Variants in FAM83H observed in about 807,000 individuals in gnomAD.
FAM83H encodes the protein scaffolding CK1 anchoring protein H, also known as protein FAM83H.
In FAM83H, 24 loss-of-function variants were observed where a neutral mutation model predicts 30.2. The observed-to-expected ratio is 0.79, with a 90% CI of 0.57 to 1.12. The LOEUF (loss-of-function observed/expected upper bound fraction) is 1.12. Ranked by LOEUF, FAM83H falls within the 50% of genes most tolerant of loss-of-function variation. FAM83H has a pLI of 0.00. For synonymous variants in FAM83H, 1,013 were observed against 821.7 expected (o/e 1.23, Z -3.98); for missense variants, 2,038 against 1,773.9 (o/e 1.15, Z -2.67).
At chr8:143,730,896 C>A (rs375507670) in intron 1 of FAM83H, among the ~76,000 whole-genome samples, 102 of 152,264 alleles carry the variant, frequency 6.7e-4, no homozygotes, top group Middle Eastern at 3.4e-3. Context: ...GAGTTTGAAA[C>A]CAGCCTGGGC....
In FAM83H at chr8:143,726,572, G is replaced by A. The variant is rs200670420; in HGVS notation, c.2889C>T (p.Arg963=). 28 of 1,603,350 alleles carry A rather than the reference G, an allele frequency of 1.7e-5. No homozygotes were observed. The highest frequency in any genetic ancestry group is 2.2e-5 in the Non-Finnish European group (26 of 1,178,824). ...GCTGCCTAAGACGCAAGGAGCCTTT[G>A]CGCAGGACTTCCATGGGGCCGCTCG... ...EGPSGPMEVL[R]KGSLRLRQLL... Residue 963 remains arginine (R), a synonymous_variant, in exon 5 of 5, where the codon CGC becomes CGT. Coordinates refer to ENST00000388913, the MANE Select transcript of FAM83H (RefSeq NM_198488.5).
rs1554622783 is a variant in FAM83H at position 143,727,666 on chromosome 8, C to T, written c.1795G>A (p.Gly599Ser). The T allele has an allele frequency of 1.9e-6, 3 of 1,570,452 alleles. No homozygotes were observed. The highest frequency in any genetic ancestry group is 1.8e-5 in the Admixed American group (1 of 56,692). ...GCHGEDGGDD[G>S]LPAPMEAEAY... ...TCCGCTTCCATGGGCGCCGGTAGGCCGTCGTCGCCCCCATCCTCGCCGTGG... is the reference window on the plus strand; with the variant it reads ...TCCGCTTCCATGGGCGCCGGTAGGCTGTCGTCGCCCCCATCCTCGCCGTGG... The change falls in exon 5 of 5, where the codon GGC (glycine) becomes AGC (serine). Residue 599 changes from glycine (G) to serine (S), a missense_variant. Physicochemically the swap from Gly to Ser is moderately conservative, Grantham distance 56. Transcript: ENST00000388913.
At position 143,727,932 on chromosome 8, in the gene FAM83H, T is replaced by A; in HGVS notation, c.1529A>T (p.Tyr510Phe). The A allele has an allele frequency of 6.5e-7, 1 of 1,538,842 alleles. No homozygotes were observed. Among genetic ancestry groups the A allele is most frequent in the Non-Finnish European group, 8.7e-7 (1 of 1,149,076 alleles). ...CTCGCGGGACGCGCTGGACGGCACG[T>A]AGTCCAGCCGCTGGTGCCCGTCGGG... ...LGPDGHQRLD[Y>F]VPSSASREVR... is the part of the protein sequence containing the mutation. The change falls in exon 5 of 5, where the codon TAC becomes TTC. Residue 510 changes from tyrosine to phenylalanine, a missense_variant. Physicochemically the swap from Tyr to Phe is conservative, Grantham distance 22. Transcript: ENST00000388913.
Position 143,727,151 on chromosome 8 carries a change from C to G in FAM83H, c.2310G>C (p.Arg770=), listed in dbSNP as rs1554622352. Residue 770 remains arginine, a synonymous_variant, in exon 5 of 5, where the codon CGG becomes CGC. Coordinates refer to ENST00000388913, the MANE Select transcript of FAM83H (RefSeq NM_198488.5). ...CGGCACCTGGGGCCGCCACCTCTTC[C>G]CGCCACGCCTGGGACACGACGGCCT... The part of the protein sequence containing the change: ...HSKAVVSQAW[R]EEVAAPGAVG... 3 of 1,534,582 alleles carry G rather than the reference C, an allele frequency of 2.0e-6. No homozygotes were observed. The highest frequency in any genetic ancestry group is 2.4e-5 in the East Asian group (1 of 40,882).
chr8:143,726,797 A>T lies in FAM83H; in HGVS notation c.2664T>A (p.Thr888=), dbSNP rs1554622072. The T allele has an allele frequency of 6.2e-7, 1 of 1,612,328 alleles. No individual in the cohort carries two copies. The highest frequency in any genetic ancestry group is 1.1e-5 in the South Asian group (1 of 91,046). The change falls in exon 5 of 5, where the codon ACT becomes ACA. Residue 888 remains threonine (T), a synonymous_variant. Coordinates refer to ENST00000388913, the MANE Select transcript of FAM83H (RefSeq NM_198488.5). ...RKGSPTPGFS[T]RRGSPTTGFI... ...ATCCTGTAGTTGGACTTCCTCTTCGAGTGGAAAACCCAGGCGTGGGGCTCC... is the reference window on the plus strand; with the variant it reads ...ATCCTGTAGTTGGACTTCCTCTTCGTGTGGAAAACCCAGGCGTGGGGCTCC...
In FAM83H at chr8:143,727,681, C is replaced by G; in HGVS notation, c.1780G>C (p.Asp594His). The part of the protein sequence containing the change: ...ASYLSGCHGE[D>H]GGDDGLPAPM... ...GCCGGTAGGCCGTCGTCGCCCCCAT[C>G]CTCGCCGTGGCAGCCGCTCAAGTAG... The change falls in exon 5 of 5, where the codon GAT becomes CAT. Residue 594 changes from aspartate to histidine, a missense_variant. Coordinates refer to ENST00000388913, the MANE Select transcript of FAM83H (RefSeq NM_198488.5). 1.3e-6 allele frequency: 2 copies of G among 1,565,924 alleles called. No homozygotes were observed. Among genetic ancestry groups the G allele is most frequent in the Non-Finnish European group, 1.7e-6 (2 of 1,163,752 alleles).
In FAM83H at chr8:143,727,163, G is replaced by T. The variant is rs1387045364; in HGVS notation, c.2298C>A (p.Ser766=). Residue 766 remains serine (S), a synonymous_variant, in exon 5 of 5, where the codon TCC becomes TCA. Transcript: ENST00000388913. ...CCGCCACCTCTTCCCGCCACGCCTG[G>T]GACACGACGGCCTTGCTGTGGCTGG... The part of the protein sequence containing the change: ...TVASHSKAVV[S]QAWREEVAAP... The T allele has an allele frequency of 1.4e-5, 21 of 1,534,286 alleles. No homozygotes were observed. The highest frequency in any genetic ancestry group is 1.8e-5 in the Non-Finnish European group (21 of 1,146,082).
Position 143,727,588 on chromosome 8 carries a change from G to A in FAM83H, c.1873C>T (p.Leu625=), listed in dbSNP as rs1818348889. ...GGGACGCGGAAGGCCGAGGGGAGCA[G>A]GTCGCCGGCAGGTGCCCGGCCCCCG... is the stretch of plus-strand genomic sequence containing the variant. ...APGGRAPAGD[L]LPSAFRVPAA... The change falls in exon 5 of 5, where the codon CTG becomes TTG. Residue 625 remains leucine, a synonymous_variant. Coordinates refer to ENST00000388913, the MANE Select transcript of FAM83H (RefSeq NM_198488.5). The A allele has an allele frequency of 1.3e-6, 2 of 1,585,108 alleles. No homozygotes were observed. The highest frequency in any genetic ancestry group is 1.7e-6 in the Non-Finnish European group (2 of 1,172,540).
Position 143,729,079 on chromosome 8 carries a change from G to C in FAM83H, c.625C>G (p.Arg209Gly), listed in dbSNP as rs781981984. ...TAGTAGGTGGGGCCCGCCACAGTCC[G>C]TACGCGCAGGAACTGGGGAGGGAGG... ...NLQHVDFLRV[R>G]TVAGPTYYCR... Residue 209 changes from arginine to glycine, a missense_variant, in exon 4 of 5, where the codon CGG (arginine) becomes GGG (glycine). Coordinates refer to ENST00000388913, the MANE Select transcript of FAM83H (RefSeq NM_198488.5). The C allele has an allele frequency of 6.2e-6, 10 of 1,613,552 alleles. No homozygotes were observed. The highest frequency in any genetic ancestry group is 2.2e-5 in the East Asian group (1 of 44,882).
At position 143,730,499 on chromosome 8, in the gene FAM83H, G is replaced by T; in HGVS notation, c.84C>A (p.Tyr28Ter). 1 of 1,602,426 alleles carries T rather than the reference G, an allele frequency of 6.2e-7. No individual in the cohort carries two copies. The highest frequency in any genetic ancestry group is 8.5e-7 in the Non-Finnish European group (1 of 1,173,398). Residue 28 changes from tyrosine to a stop codon, truncating the protein, a stop_gained, in exon 2 of 5, where the codon TAC (tyrosine) becomes TAA (stop). Coordinates refer to ENST00000388913, the MANE Select transcript of FAM83H (RefSeq NM_198488.5). LOFTEE classifies it high-confidence loss of function. ...GYLPPHYKEYYRLAVDALAEG... is the reference protein window; with the variant it reads ...GYLPPHYKEY The stretch of plus-strand genomic sequence containing the variant: ...CGGCCAGTGCATCCACCGCCAGGCG[G>T]TAGTACTCTTTGTAGTGAGGCGGCA...
Position 143,728,581 on chromosome 8 carries a change from T to C in FAM83H, c.880A>G (p.Met294Val). Residue 294 changes from methionine to valine, a missense_variant, in exon 5 of 5, where the codon ATG (methionine) becomes GTG (valine). Physicochemically the swap from Met to Val is conservative, Grantham distance 21 (BLOSUM62 1). Coordinates refer to ENST00000388913, the MANE Select transcript of FAM83H (RefSeq NM_198488.5). ...TACGGAGCCAGGGCATAGGCGTCCATGCGGGCCAGGGCCGCGGCCGAGGGC... is the reference window on the plus strand; with the variant it reads ...TACGGAGCCAGGGCATAGGCGTCCACGCGGGCCAGGGCCGCGGCCGAGGGC... Reference protein sequence around the residue: ...LVPSAAALARMDAYALAPYAG... With the variant: ...LVPSAAALARVDAYALAPYAG... 3 of 1,601,844 alleles carry C rather than the reference T, an allele frequency of 1.9e-6. No individual in the cohort carries two copies. Among genetic ancestry groups the C allele is most frequent in the Non-Finnish European group, 2.6e-6 (3 of 1,175,212 alleles).
chr8:143,726,491 C>T lies in FAM83H; in HGVS notation c.2970G>A (p.Pro990=), dbSNP rs1554621828. The T allele has an allele frequency of 2.5e-6, 4 of 1,605,142 alleles. No individual in the cohort carries two copies. The highest frequency in any genetic ancestry group is 1.1e-5 in the South Asian group (1 of 90,722). The change falls in exon 5 of 5, where the codon CCG becomes CCA. Residue 990 remains proline, a synonymous_variant. Transcript: ENST00000388913. The stretch of plus-strand genomic sequence containing the variant: ...GGCTCTCGGGTTGGCCGTTCTCCTG[C>T]GGCACTGGGAAGCCACCCTCATCCT... ...RMEDEGGFPV[P]QENGQPESPR... is the part of the protein sequence containing the mutation.
At chr8:143,729,124 G>T in intron 3 of FAM83H, 33 bp from the exon 4 acceptor site, 2 of 1,613,542 alleles carry the variant, frequency 1.2e-6, no homozygotes, top group Non-Finnish European at 1.7e-6. Context: ...TCTCTCCCAC[G>T]GGTCCTCCCC....
chr8:143,728,155 T>C lies in FAM83H; in HGVS notation c.1306A>G (p.Ser436Gly), dbSNP rs1181908868. 15 of 1,608,508 alleles carry C rather than the reference T, an allele frequency of 9.3e-6. No homozygotes were observed. Among genetic ancestry groups the C allele is most frequent in the Non-Finnish European group, 1.2e-5 (14 of 1,179,092 alleles). Residue 436 changes from serine (S) to glycine (G), a missense_variant, in exon 5 of 5, where the codon AGC becomes GGC. Ser to Gly is a moderately conservative substitution (Grantham distance 56, BLOSUM62 0). Transcript: ENST00000388913. The part of the protein sequence containing the change: ...ARQVSRQTFL[S>G]HGDDFRFQTS... The stretch of plus-strand genomic sequence containing the variant: ...TGGAAGCGGAAGTCGTCGCCGTGGC[T>C]GAGGAACGTCTGCCGCGACACCTGC...
rs1554622805 is a variant in FAM83H at position 143,727,711 on chromosome 8, C to G, written c.1750G>C (p.Ala584Pro). The change falls in exon 5 of 5, where the codon GCC (alanine) becomes CCC (proline). Residue 584 changes from alanine (A) to proline (P), a missense_variant. Transcript: ENST00000388913. ...CCGTGGCAGCCGCTCAAGTAGGAGG[C>G]CAAACGCCAGCGCCGCAGCCCTGCC... ...GRAGLRRWRL[A>P]SYLSGCHGED... 6.4e-7 allele frequency: 1 copy of G among 1,551,858 alleles called. No homozygotes were observed. The highest frequency in any genetic ancestry group is 2.4e-5 in the East Asian group (1 of 41,154).
chr8:143,730,607 C>A lies in FAM83H; in HGVS notation c.-15-10G>T. 2 of 1,511,014 alleles carry A rather than the reference C, an allele frequency of 1.3e-6. No homozygotes were observed. Among genetic ancestry groups the A allele is most frequent in the Middle Eastern group, 2.2e-4 (1 of 4,550 alleles). 93.6% of individuals were successfully genotyped at this position (1,511,014 alleles called of 1,614,324 possible). A position where few individuals can be genotyped will look rare whatever the true frequency, so the allele number is the denominator to read the frequency against. Reference sequence around the variant, plus strand: ...TGTTGGGGCCAGGGGCCTGGAGGGGCAGGGAGACACATGACTAGGGGTGGG... The same window carrying A: ...TGTTGGGGCCAGGGGCCTGGAGGGGAAGGGAGACACATGACTAGGGGTGGG... On this transcript the variant is annotated splice_polypyrimidine_tract_variant and intron_variant, in intron 1 of 4. Coordinates refer to ENST00000388913, the MANE Select transcript of FAM83H (RefSeq NM_198488.5).
At chr8:143,728,821 G>T (rs1554623616) in intron 4 of FAM83H, 98 bp from the exon 5 acceptor site, 3 of 1,596,524 alleles carry the variant, frequency 1.9e-6, no homozygotes, top group Non-Finnish European at 1.7e-6. Context: ...GGGATGTGAG[G>T]TCTGCAAGGA....
chr8:143,725,417 G>A lies in FAM83H; in HGVS notation c.*504C>T, dbSNP rs1214757516. The A allele has an allele frequency of 1.1e-5, 2 of 176,564 alleles. No homozygotes were observed. Among genetic ancestry groups the A allele is most frequent in the Non-Finnish European group, 2.4e-5 (2 of 82,190 alleles). The allele number at this position is 176,564 out of a possible 1,614,324, so 10.9% of individuals were successfully genotyped here. A position where few individuals can be genotyped will look rare whatever the true frequency, so the allele number is the denominator to read the frequency against. On this transcript the variant is annotated 3_prime_UTR_variant, in exon 5 of 5. Coordinates refer to ENST00000388913, the MANE Select transcript of FAM83H (RefSeq NM_198488.5). The stretch of plus-strand genomic sequence containing the variant: ...TGGAGACCAGCCTGGCCAACATAGT[G>A]AAACCCTGTCTCTACTAAAAATACA...
Position 143,727,723 on chromosome 8 carries a change from G to C in FAM83H, c.1738C>G (p.Arg580Gly), listed in dbSNP as rs782774671. 2 of 1,539,710 alleles carry C rather than the reference G, an allele frequency of 1.3e-6. No homozygotes were observed. Among genetic ancestry groups the C allele is most frequent in the African/African-American group, 2.8e-5 (2 of 70,910 alleles). Residue 580 changes from arginine to glycine, a missense_variant, in exon 5 of 5, where the codon CGC (arginine) becomes GGC (glycine). Coordinates refer to ENST00000388913, the MANE Select transcript of FAM83H (RefSeq NM_198488.5). ...GGPEGRAGLR[R>G]WRLASYLSGC... ...CTCAAGTAGGAGGCCAAACGCCAGC[G>C]CCGCAGCCCTGCCCGCCCCTCGGGC... is the stretch of plus-strand genomic sequence containing the variant.
Sources: allele counts gnomAD v4.1 joint callset (sites outside exome capture counted in the v4.1 genomes callset), GRCh38; gene constraint gnomAD v4.1.1; transcripts MANE v1.5; gene names NCBI Gene and HGNC (gene_info 2026-07-23, HGNC 2026-07-21).